SRPK2: variants seen among roughly 807,000 people sequenced by gnomAD.
SRPK2 encodes the protein SFRS protein kinase 2.
In SRPK2, 21 loss-of-function variants were observed where a neutral mutation model predicts 90.8. That is an observed-to-expected ratio of 0.23 (90% CI 0.16 to 0.33). The LOEUF is 0.33. Among genes scored for constraint, SRPK2 ranks in the 10% least tolerant of loss-of-function variants. The pLI, the probability that SRPK2 is intolerant of heterozygous loss-of-function variation, is 1.00. For missense variants in SRPK2, 620 were observed against 869.0 expected (o/e 0.71, Z 3.60); for synonymous variants, 288 against 311.1 (o/e 0.93, Z 0.78).
At chr7:105,216,714 A>G (rs116045664) in intron 2 of SRPK2, among the ~76,000 whole-genome samples, 1,882 of 152,128 alleles carry the variant, frequency 0.012, 47 homozygotes, top group African/African-American at 0.043. Context: ...AATAACTGTT[A>G]CAGTCATGGT....
chr7:105,133,155 A>G (rs1476049097), intron 11 of SRPK2, 51 bp from the exon 12 acceptor site: 2 of 1,545,220 alleles, frequency 1.3e-6, no homozygotes, highest in South Asian at 1.1e-5. Context: ...GGTGGTTTGC[A>G]TGTGTGAGCA....
chr7:105,170,955 G>GA (rs746961146), intron 3 of SRPK2, among the ~76,000 whole-genome samples: 3 of 35,436 alleles, frequency 8.5e-5, no homozygotes, highest in Admixed American at 2.5e-4. Context: ...AAGAAAGAAA[G>GA]AAAGAAAGAA....
intron 2 of SRPK2, among the ~76,000 whole-genome samples, chr7:105,238,853 G>A (rs764866030): frequency 1.4e-4 from 21 of 151,930 alleles, no homozygotes; most frequent in Admixed American, 3.3e-4. Context: ...CACCTAGACC[G>A]AAATACCCAC....
At chr7:105,204,604 C>T (rs529742572) in intron 2 of SRPK2, 7 of 578,620 alleles carry the variant, frequency 1.2e-5, no homozygotes, top group Non-Finnish European at 1.9e-5. Context: ...CTGAAGATGA[C>T]GGCTGCTGTG....
intron 2 of SRPK2, among the ~76,000 whole-genome samples, chr7:105,302,487 A>C (rs1422743046): frequency 1.3e-5 from 2 of 152,186 alleles, no homozygotes; most frequent in African/African-American, 4.8e-5. Flanking sequence ...TCCATAGTGC[A>C]ATCCATATTA....
At chr7:105,168,745 A>ATATGTGTGTGTGTGTGTGTGTG (rs1554434007) in intron 4 of SRPK2, among the ~76,000 whole-genome samples, 1 of 104,008 alleles carries the variant, frequency 9.6e-6, no homozygotes, top group Non-Finnish European at 2.1e-5. Flanking sequence ...CACGCACCAA[A>ATATGTGTGTGTGTGTGTGTGTG]TGTGTGTGTG....
chr7:105,234,356 A>G (rs895294103), intron 2 of SRPK2, among the ~76,000 whole-genome samples: 13 of 152,212 alleles, frequency 8.5e-5, no homozygotes, highest in Admixed American at 5.2e-4. Flanking sequence ...TATTTCATCA[A>G]TGGATTGCTA....
rs57910582 is a variant in SRPK2, at chr7:105,358,927, CAG to C, written c.71+29719_71+29720del. Among the ~76,000 whole-genome samples, 1,377 of 147,544 alleles carry C rather than the reference CAG, an allele frequency of 9.3e-3. 30 individuals carry two copies. Among genetic ancestry groups the C allele is most frequent in the Admixed American group, 0.055 (805 of 14,750 alleles). ...CTGGAAGAAAGGGGTGCTAAGAACA[CAG>C]AGAGAGAGAGAGAGAGAGAAAGCAA... is the stretch of plus-strand genomic sequence containing the variant. On this transcript the variant is annotated intron_variant, in intron 2 of 15. Coordinates refer to ENST00000393651, the MANE Select transcript of SRPK2 (RefSeq NM_182692.3).
intron 3 of SRPK2, among the ~76,000 whole-genome samples, chr7:105,201,890 A>G (rs979699402): frequency 1.3e-5 from 2 of 152,214 alleles, no homozygotes; most frequent in African/African-American, 4.8e-5. Context: ...TCAGAAAAAG[A>G]AAAAACAAGA....
At chr7:105,278,314 C>CAA (rs34389951) in intron 2 of SRPK2, among the ~76,000 whole-genome samples, 13 of 104,088 alleles carry the variant, frequency 1.2e-4, no homozygotes, top group African/African-American at 4.2e-4. Flanking sequence ...GATTCTGTCT[C>CAA]AAAAAAAAAA....
At chr7:105,147,441 C>A (rs1804810503) in intron 7 of SRPK2, among the ~76,000 whole-genome samples, 1 of 152,140 alleles carries the variant, frequency 6.6e-6, no homozygotes, top group Non-Finnish European at 1.5e-5. Flanking sequence ...CCTCAGCCTC[C>A]CAAGCAGCTG....
chr7:105,234,159 T>G (rs1257997176), intron 2 of SRPK2, among the ~76,000 whole-genome samples: 1 of 152,160 alleles, frequency 6.6e-6, no homozygotes, highest in Non-Finnish European at 1.5e-5. Context: ...TAAATGAGAC[T>G]GATTATTTTA....
intron 2 of SRPK2, among the ~76,000 whole-genome samples, chr7:105,347,834 G>A (rs1563268176): frequency 6.6e-6 from 1 of 150,992 alleles, no homozygotes; most frequent in Non-Finnish European, 1.5e-5. Context: ...TCCAGCCTGG[G>A]TGACAGGGCG....
intron 2 of SRPK2, among the ~76,000 whole-genome samples, chr7:105,354,170 T>C (rs533824560): frequency 4.6e-5 from 7 of 152,314 alleles, no homozygotes; most frequent in African/African-American, 1.2e-4. Flanking sequence ...TGGGGCTAAG[T>C]TGACATGGTA....
At chr7:105,341,510 T>G (rs1815792285) in intron 2 of SRPK2, among the ~76,000 whole-genome samples, 1 of 151,750 alleles carries the variant, frequency 6.6e-6, no homozygotes, top group Non-Finnish European at 1.5e-5. Context: ...CCATCTCTAC[T>G]AAAAATACAA....
At chr7:105,211,589 T>C (rs913046469) in intron 2 of SRPK2, among the ~76,000 whole-genome samples, 1 of 151,908 alleles carries the variant, frequency 6.6e-6, no homozygotes, top group Non-Finnish European at 1.5e-5. Flanking sequence ...TACACACTTT[T>C]AGAACAACCA....
chr7:105,389,909 A>T (rs749514023), upstream of SRPK2, among the ~76,000 whole-genome samples: 2 of 152,242 alleles, frequency 1.3e-5, no homozygotes, highest in African/African-American at 2.4e-5. Context: ...TACACTAAGG[A>T]TGATAAATCA....
intron 2 of SRPK2, among the ~76,000 whole-genome samples, chr7:105,313,257 G>T (rs377671427): frequency 1.3e-5 from 2 of 151,540 alleles, no homozygotes; most frequent in African/African-American, 2.4e-5. Context: ...GCCAGCCAGC[G>T]TAACATGGTA....
rs57323610 is a variant in SRPK2 at position 105,167,997 on chromosome 7, A to G, written c.426+11T>C. 2.8e-3 allele frequency: 4,501 copies of G among 1,581,260 alleles called. 129 individuals are homozygous for G. In the East Asian group the frequency reaches 0.062, roughly 22 times the overall value. On this transcript the variant is annotated intron_variant, in intron 5 of 15. Transcript: ENST00000393651. Reference sequence around the variant, plus strand: ...GTTTTCTTATATCATTCACATTTTTAAAGTACTTACACATTTGAGCAATTT... The same window carrying G: ...GTTTTCTTATATCATTCACATTTTTGAAGTACTTACACATTTGAGCAATTT...
Sources: allele counts gnomAD v4.1 joint callset (sites outside exome capture counted in the v4.1 genomes callset), GRCh38; gene constraint gnomAD v4.1.1; transcripts MANE v1.5; gene names NCBI Gene and HGNC (gene_info 2026-07-23, HGNC 2026-07-21).